Variants in HLCS observed in about 807,000 individuals in gnomAD.
The protein encoded by HLCS is biotin--protein ligase.
Under a neutral mutation model 75.0 loss-of-function variants are expected in HLCS, and 53 were observed. The ratio of observed to expected loss-of-function variants is 0.71; its 90% CI spans 0.57 to 0.89. The LOEUF (loss-of-function observed/expected upper bound fraction) is 0.89. Among genes scored for constraint, HLCS ranks in the 40% least tolerant of loss-of-function variants. The pLI, the probability that HLCS is intolerant of heterozygous loss-of-function variation, is 0.00. For synonymous variants in HLCS, 431 were observed against 428.6 expected (o/e 1.01, Z -0.07); for missense variants, 966 against 1,074.0 (o/e 0.90, Z 1.41).
At chr21:36,972,893 T>C (rs1446210690) in intron 1 of HLCS, among the ~76,000 whole-genome samples, 1 of 152,188 alleles carries the variant, frequency 6.6e-6, no homozygotes, top group Non-Finnish European at 1.5e-5. Flanking sequence ...ATCAGGCCAC[T>C]GAAATGTATA....
At chr21:36,852,190 A>T (rs1350216435) in intron 6 of HLCS, among the ~76,000 whole-genome samples, 1 of 152,262 alleles carries the variant, frequency 6.6e-6, no homozygotes, top group Non-Finnish European at 1.5e-5. Flanking sequence ...TCCCAAAGAA[A>T]TTCCTGTCTG....
intron 6 of HLCS, among the ~76,000 whole-genome samples, chr21:36,830,661 C>G (rs531975839): frequency 7.9e-5 from 12 of 151,672 alleles, no homozygotes; most frequent in Non-Finnish European, 1.3e-4. Flanking sequence ...TGATGAAACC[C>G]GAAACCTTGT....
chr21:36,973,158 AGGTCAAGGCTTCAGTGAGCT>A (rs1176469654), intron 1 of HLCS, among the ~76,000 whole-genome samples: 19 of 151,676 alleles, frequency 1.3e-4, no homozygotes, highest in Admixed American at 1.2e-3. Flanking sequence ...TGAGCCCAGA[AGGTCAAGGCTTCAGTGAGCT>A]GTGATCGCAC....
chr21:36,834,891 A>T lies in HLCS; in HGVS notation c.1892+61969T>A, dbSNP rs186478032. On this transcript the variant is annotated intron_variant, in intron 6 of 10. Coordinates refer to ENST00000674895, the MANE Select transcript of HLCS (RefSeq NM_001352514.2). ...TCTAAGGCATCCTATTCTGAGGTCA[A>T]AAATACATTTTTAGGCTGAAAGATG... Among the ~76,000 whole-genome samples the T allele has an allele frequency of 1.4e-3, 219 of 152,326 alleles. 2 individuals carry two copies. The highest frequency in any genetic ancestry group is 5.1e-3 in the African/African-American group (211 of 41,590).
At chr21:36,834,291 C>A (rs574625998) in intron 6 of HLCS, among the ~76,000 whole-genome samples, 141 of 152,350 alleles carry the variant, frequency 9.3e-4, no homozygotes, top group African/African-American at 3.4e-3. Context: ...TGGAAGTGAA[C>A]TTCCTTCTTT....
chr21:36,798,014 G>A (rs2061080215), intron 6 of HLCS, among the ~76,000 whole-genome samples: 1 of 151,930 alleles, frequency 6.6e-6, no homozygotes, highest in Non-Finnish European at 1.5e-5. Flanking sequence ...AGGATGGTGG[G>A]GAGAAGCCCT....
intron 6 of HLCS, among the ~76,000 whole-genome samples, chr21:36,852,229 T>C (rs765509103): frequency 2.0e-5 from 3 of 152,248 alleles, no homozygotes; most frequent in Non-Finnish European, 4.4e-5. Context: ...CATCTACTTT[T>C]TTCTAAGCGT....
At chr21:36,965,327 G>A (rs2068510071) in intron 1 of HLCS, among the ~76,000 whole-genome samples, 1 of 152,182 alleles carries the variant, frequency 6.6e-6, no homozygotes, top group Non-Finnish European at 1.5e-5. Flanking sequence ...AGCAAAACAC[G>A]TTTAAATATT....
upstream of HLCS, among the ~76,000 whole-genome samples, chr21:36,971,196 T>A (rs1355279154): frequency 6.6e-6 from 1 of 152,182 alleles, no homozygotes; most frequent in Non-Finnish European, 1.5e-5. Context: ...ATTGGAAATA[T>A]GCATTTGAAC....
chr21:36,949,046 G>A (rs1050254092), intron 2 of HLCS, among the ~76,000 whole-genome samples: 1 of 152,276 alleles, frequency 6.6e-6, no homozygotes, highest in Non-Finnish European at 1.5e-5. Flanking sequence ...CTGCTAAGGT[G>A]TGCTGCATTC....
chr21:36,813,637 A>T (rs1352694261), intron 6 of HLCS, among the ~76,000 whole-genome samples: 1 of 152,224 alleles, frequency 6.6e-6, no homozygotes, highest in African/African-American at 2.4e-5. Flanking sequence ...GCGGCTCATA[A>T]TTTCCCTTAG....
intron 6 of HLCS, among the ~76,000 whole-genome samples, chr21:36,878,927 CT>C (rs1398478317): frequency 5.3e-5 from 8 of 152,132 alleles, no homozygotes; most frequent in Non-Finnish European, 1.2e-4. Context: ...TTATGTCACT[CT>C]GTCCAAGCAT....
chr21:36,886,501 TGGCTGGG>T (rs1356806802), intron 6 of HLCS, among the ~76,000 whole-genome samples: 3 of 150,594 alleles, frequency 2.0e-5, no homozygotes, highest in African/African-American at 7.3e-5. Context: ...ATCCCTGCCA[TGGCTGGG>T]CAGCTTGCCC....
chr21:36,801,253 G>A (rs995253201), intron 6 of HLCS, among the ~76,000 whole-genome samples: 1 of 152,124 alleles, frequency 6.6e-6, no homozygotes, highest in Non-Finnish European at 1.5e-5. Flanking sequence ...CAATAGAGAC[G>A]CAAGTAACTT....
intron 8 of HLCS, among the ~76,000 whole-genome samples, chr21:36,762,691 G>T (rs2089892932): frequency 6.6e-6 from 1 of 152,236 alleles, no homozygotes; most frequent in South Asian, 2.1e-4. Flanking sequence ...ACACAGGTGA[G>T]GCTGGGTAGC....
chr21:36,876,884 T>A (rs958927198), intron 6 of HLCS, among the ~76,000 whole-genome samples: 2 of 152,232 alleles, frequency 1.3e-5, no homozygotes, highest in Non-Finnish European at 2.9e-5. Context: ...GACTTCTCTA[T>A]TTCTTTTATT....
intron 6 of HLCS, among the ~76,000 whole-genome samples, chr21:36,839,645 G>C (rs755540391): frequency 6.6e-6 from 1 of 152,156 alleles, no homozygotes; most frequent in Non-Finnish European, 1.5e-5. Flanking sequence ...GAAATTAACA[G>C]GCACATCACA....
intron 5 of HLCS, among the ~76,000 whole-genome samples, 172 bp downstream of exon 5, chr21:36,930,079 C>A (rs1444233999): frequency 6.6e-6 from 1 of 152,226 alleles, no homozygotes; most frequent in African/African-American, 2.4e-5. Flanking sequence ...TATATATAAT[C>A]CTCCCCCAAC....
chr21:36,947,676 A>G, intron 2 of HLCS: 9 of 985,450 alleles, frequency 9.1e-6, no homozygotes, highest in Non-Finnish European at 1.1e-5. Context: ...TGATGTTACA[A>G]TGTATGGCAG....
Sources: gnomAD v4.1 joint callset for allele counts (sites outside exome capture counted in the v4.1 genomes callset) on GRCh38, gnomAD v4.1.1 for gene constraint, MANE v1.5 for transcripts, NCBI Gene and HGNC (gene_info 2026-07-23, HGNC 2026-07-21) for gene names.